Variants in RELN observed in about 807,000 individuals in gnomAD.
RELN encodes the protein reelin.
RELN carries 108 observed loss-of-function variants against 427.6 expected under a neutral mutation model. The observed-to-expected ratio is 0.25, with a 90% confidence interval of 0.22 to 0.30. RELN has a LOEUF of 0.30. Ranked by LOEUF, RELN falls within the 10% of genes least tolerant of loss-of-function variation. RELN has a pLI of 1.00. For missense variants in RELN, 3,715 were observed against 4,302.8 expected (o/e 0.86, Z 3.82); for synonymous variants, 1,524 against 1,513.4 (o/e 1.01, Z -0.16).
intron 10 of RELN, among the ~76,000 whole-genome samples, chr7:103,693,294 T>G (rs757760052): frequency 7.6e-6 from 1 of 131,022 alleles, no homozygotes; most frequent in African/African-American, 3.0e-5. Context: ...AATTGAACAA[T>G]GAGAACACAT....
Position 103,486,371 on chromosome 7 carries a change from T to A in RELN, c.9809A>T (p.Lys3270Ile). The change falls in exon 61 of 65, where the codon AAA (lysine) becomes ATA (isoleucine). Residue 3270 changes from lysine (K) to isoleucine (I), a missense_variant. This residue lies in a region of RELN where 195 missense variants were observed against 281.3 expected (regional missense o/e 0.69). Coordinates refer to ENST00000428762, the MANE Select transcript of RELN (RefSeq NM_005045.4). ...VFSHDLPSYI[K>I]DNFESARVTE... The stretch of plus-strand genomic sequence containing the variant: ...GACTCTTGCGGACTCAAAATTATCT[T>A]TAATATAACTGGGAAGGTCGTGACT... 1 of 1,614,120 alleles carries A rather than the reference T, an allele frequency of 6.2e-7. No individual in the cohort carries two copies. Among genetic ancestry groups the A allele is most frequent in the Non-Finnish European group, 8.5e-7 (1 of 1,180,018 alleles).
At position 103,573,366 on chromosome 7, in the gene RELN, G is replaced by A. The variant is rs1435500886; in HGVS notation, c.4511+726C>T. Among the ~76,000 whole-genome samples, 2 of 152,148 alleles carry A rather than the reference G, an allele frequency of 1.3e-5. No individual in the cohort carries two copies. The highest frequency in any genetic ancestry group is 1.9e-4 in the East Asian group (1 of 5,182). On this transcript the variant is annotated intron_variant, in intron 30 of 64. Transcript: ENST00000428762. This position sits in a 1 kb window ranked among gnomAD's most constrained non-coding sequence, Gnocchi z 4.4. Reference sequence around the variant, plus strand: ...TTCACAGCAGGCCTTCAGTCAGTACGATGTAAATTATGCCTCAGTCCATAG... The same window carrying A: ...TTCACAGCAGGCCTTCAGTCAGTACAATGTAAATTATGCCTCAGTCCATAG...
chr7:103,625,675 C>CGATTGCTCACATGTGGTTGTTAATAAAA (rs1832313639), intron 20 of RELN, among the ~76,000 whole-genome samples: 1 of 151,668 alleles, frequency 6.6e-6, no homozygotes, highest in Non-Finnish European at 1.5e-5. Flanking sequence ...TCACATGTAT[C>CGATTGCTCACATGTGGTTGTTAATAAAA]CCCCCTTTTT....
At chr7:103,827,903 C>T (rs958328573) in intron 3 of RELN, among the ~76,000 whole-genome samples, 1 of 152,024 alleles carries the variant, frequency 6.6e-6, no homozygotes, top group African/African-American at 2.4e-5. Flanking sequence ...TAGGTACAAT[C>T]ATTTCAGACT....
chr7:103,790,271 C>T (rs527276823), intron 3 of RELN, among the ~76,000 whole-genome samples: 2 of 152,160 alleles, frequency 1.3e-5, no homozygotes, highest in East Asian at 1.9e-4. Context: ...CACCATGGCA[C>T]ATGTATAACT....
At chr7:103,513,532 AAG>A (rs1829481267) in intron 50 of RELN, 1 of 152,186 alleles carries the variant, frequency 6.6e-6, no homozygotes, top group African/African-American at 2.4e-5. Context: ...TAACCTTCTT[AAG>A]AGAATATGAC....
chr7:103,531,324 A>G (rs968152162), intron 46 of RELN, among the ~76,000 whole-genome samples: 4 of 152,248 alleles, frequency 2.6e-5, no homozygotes, highest in Non-Finnish European at 4.4e-5. Context: ...TTTATAAATC[A>G]TCTTCTTTCA....
rs1830982106 is a variant in RELN, at chr7:103,575,677, T to C, written c.4174A>G (p.Ser1392Gly). 1 of 1,614,112 alleles carries C rather than the reference T, an allele frequency of 6.2e-7. No individual in the cohort carries two copies. The highest frequency in any genetic ancestry group is 1.3e-5 in the African/African-American group (1 of 75,036). Reference protein sequence around the residue: ...SKTRFRWIQESSSQKNVPPFG... With the variant: ...SKTRFRWIQEGSSQKNVPPFG... Reference sequence around the variant, plus strand: ...GGAGGCACGTTTTTCTGTGAGCTGCTCTCCTGGATCCATCGGAATCTGGTC... The same window carrying C: ...GGAGGCACGTTTTTCTGTGAGCTGCCCTCCTGGATCCATCGGAATCTGGTC... Residue 1392 changes from serine (S) to glycine (G), a missense_variant, in exon 29 of 65, where the codon AGC (serine) becomes GGC (glycine). This residue lies in a region of RELN where 2,208 missense variants were observed against 2,361.7 expected (regional missense o/e 0.93). Coordinates refer to ENST00000428762, the MANE Select transcript of RELN (RefSeq NM_005045.4).
rs142745478 is a variant in RELN, at chr7:103,663,071, A to G, written c.1290-1544T>C. On this transcript the variant is annotated intron_variant, in intron 11 of 64. Transcript: ENST00000428762. ...CTGAATCTTAACTTTTTGTCTATCA[A>G]ACAAACTCAGGGTCATTCTTTAAGA... Among the ~76,000 whole-genome samples, 619 of 152,246 alleles carry G rather than the reference A, an allele frequency of 4.1e-3. 14 individuals carry two copies. The highest frequency in any genetic ancestry group is 0.029 in the Admixed American group (447 of 15,278).
chr7:103,524,143 C>T (rs1197720461), intron 46 of RELN, among the ~76,000 whole-genome samples: 4 of 152,180 alleles, frequency 2.6e-5, no homozygotes, highest in African/African-American at 9.7e-5. Flanking sequence ...CTCAGGGGAG[C>T]TGTGAGCCTT....
chr7:103,974,875 C>T (rs1160888145), intron 1 of RELN, among the ~76,000 whole-genome samples: 1 of 152,134 alleles, frequency 6.6e-6, no homozygotes, highest in Middle Eastern at 3.2e-3. Context: ...TTATTTATGG[C>T]GCAGCATAGA....
chr7:103,932,114 T>C (rs1795879417), intron 1 of RELN, among the ~76,000 whole-genome samples: 1 of 152,146 alleles, frequency 6.6e-6, no homozygotes, highest in Non-Finnish European at 1.5e-5. Context: ...CTATTCACAA[T>C]AGCAAAGACA....
At chr7:103,986,930 CTGTGTGTGTGTGTGTGTGTGTG>C (rs68023932) in intron 1 of RELN, among the ~76,000 whole-genome samples, 4 of 148,956 alleles carry the variant, frequency 2.7e-5, no homozygotes, top group South Asian at 2.1e-4. Flanking sequence ...CTAACAGAAG[CTGTGTGTGTGTGTGTGTGTGTG>C]TGTGTGTGTG....
At chr7:103,986,949 TG>T (rs1797112110) in intron 1 of RELN, among the ~76,000 whole-genome samples, 1 of 150,850 alleles carries the variant, frequency 6.6e-6, no homozygotes, top group African/African-American at 2.4e-5. Flanking sequence ...TGTGTGTGTG[TG>T]TGTGTGTGTG....
intron 2 of RELN, among the ~76,000 whole-genome samples, chr7:103,867,062 G>T (rs1794217551): frequency 6.6e-6 from 1 of 152,070 alleles, no homozygotes; most frequent in Admixed American, 6.6e-5. Context: ...GACCTGTTAA[G>T]ACTGAAATTA....
At chr7:103,791,593 T>C (rs985423141) in intron 3 of RELN, among the ~76,000 whole-genome samples, 2 of 152,152 alleles carry the variant, frequency 1.3e-5, no homozygotes. Context: ...AAATGGATCA[T>C]AGATTTAAGT....
intron 1 of RELN, among the ~76,000 whole-genome samples, chr7:103,940,068 TTGA>T (rs1360948299): frequency 2.0e-5 from 3 of 152,220 alleles, no homozygotes; most frequent in African/African-American, 4.8e-5. Context: ...TCGTTAATGG[TTGA>T]TGTTTTATAC....
At position 103,636,334 on chromosome 7, in the gene RELN, C is replaced by G. The variant is rs1250192094; in HGVS notation, c.2204G>C (p.Ser735Thr). The G allele has an allele frequency of 1.2e-6, 2 of 1,614,030 alleles. No homozygotes were observed. Among genetic ancestry groups the G allele is most frequent in the Non-Finnish European group, 1.7e-6 (2 of 1,179,968 alleles). The change falls in exon 18 of 65, where the codon AGC (serine) becomes ACC (threonine). Residue 735 changes from serine (S) to threonine (T), a missense_variant. Physicochemically the swap from Ser to Thr is moderately conservative, Grantham distance 58. Coordinates refer to ENST00000428762, the MANE Select transcript of RELN (RefSeq NM_005045.4). ...NFYSIRGAEV[S>T]FGCGVLASGK... is the part of the protein sequence containing the mutation. ...ACTGGCCAAGACACCACAACCAAAGCTGACTTCAGCACCACGGATAGAGTA... is the reference window on the plus strand; with the variant it reads ...ACTGGCCAAGACACCACAACCAAAGGTGACTTCAGCACCACGGATAGAGTA...
rs979679623 is a variant in RELN, at chr7:103,551,162, G to A, written c.6207C>T (p.Cys2069=). 2 of 1,613,972 alleles carry A rather than the reference G, an allele frequency of 1.2e-6. No individual in the cohort carries two copies. Among genetic ancestry groups the A allele is most frequent in the Admixed American group, 1.7e-5 (1 of 60,006 alleles). ...YHSSSHVSSL[C]STEHHPSSTY... is the part of the protein sequence containing the mutation. ...TGCTGCTGGGGTGGTGCTCGGTGGA[G>A]CATAAAGAGCTGACGTGGCTGCTGC... The change falls in exon 41 of 65, where the codon TGC becomes TGT. Residue 2069 remains cysteine, a synonymous_variant. Transcript: ENST00000428762.
Sources: gnomAD v4.1 joint callset for allele counts (sites outside exome capture counted in the v4.1 genomes callset) on GRCh38, gnomAD v4.1.1 for gene constraint, gnomAD v4.1.1 regional missense constraint, Gnocchi (gnomAD v3.1) non-coding constraint, MANE v1.5 for transcripts, NCBI Gene and HGNC (gene_info 2026-07-23, HGNC 2026-07-21) for gene names.